SEC63: variants seen among roughly 807,000 people sequenced by gnomAD.
SEC63 encodes translocation protein SEC63 homolog.
In SEC63, 56 loss-of-function variants were observed where a neutral mutation model predicts 116.2. The ratio of observed to expected loss-of-function variants is 0.48; its 90% CI spans 0.39 to 0.60. The LOEUF (loss-of-function observed/expected upper bound fraction) is 0.60, where lower values mean the gene tolerates loss of function less well. Among genes scored for constraint, SEC63 ranks in the 20% least tolerant of loss-of-function variants. The pLI is 0.00. For missense variants in SEC63, 668 were observed against 900.0 expected (o/e 0.74, Z 3.30); for synonymous variants, 273 against 294.6 (o/e 0.93, Z 0.75).
In SEC63 at chr6:107,881,255, T is replaced by C; in HGVS notation, c.1834-5A>G. On this transcript the variant is annotated splice_region_variant and splice_polypyrimidine_tract_variant and intron_variant, in intron 17 of 20. Transcript: ENST00000369002. ...TTGTTGTAATTCTTGCCACTCCTAG[T>C]AAACAAAAAAATTAAAATATTTAAA... The C allele has an allele frequency of 1.3e-6, 2 of 1,589,056 alleles. No homozygotes were observed. Among genetic ancestry groups the C allele is most frequent in the Admixed American group, 1.7e-5 (1 of 59,930 alleles).
intron 16 of SEC63, among the ~76,000 whole-genome samples, chr6:107,888,418 C>T (rs914535910): frequency 6.6e-6 from 1 of 152,118 alleles, no homozygotes; most frequent in Non-Finnish European, 1.5e-5. Context: ...TATAGGAATG[C>T]TTGTGATTTT....
At chr6:107,900,059 C>T (rs1288991620) in intron 13 of SEC63, among the ~76,000 whole-genome samples, 1 of 152,150 alleles carries the variant, frequency 6.6e-6, no homozygotes, top group Non-Finnish European at 1.5e-5. Flanking sequence ...GCTTCCCTAG[C>T]ACCTAGAGGA....
chr6:107,911,237 A>G lies in SEC63; in HGVS notation c.624+109T>C, dbSNP rs1008959260. ...TTCAGTGGCAAGACTCTTAAATTCAAGGATCAATGGGTTATATTCTAACAT... is the reference window on the plus strand; with the variant it reads ...TTCAGTGGCAAGACTCTTAAATTCAGGGATCAATGGGTTATATTCTAACAT... On this transcript the variant is annotated intron_variant, in intron 7 of 20. Coordinates refer to ENST00000369002, the MANE Select transcript of SEC63 (RefSeq NM_007214.5). 1.1e-5 allele frequency: 9 copies of G among 798,442 alleles called. No homozygotes were observed. In the Admixed American group the frequency reaches 1.9e-4, roughly 17 times the overall value. 49.5% of individuals were successfully genotyped at this position (798,442 alleles called of 1,614,324 possible).
chr6:107,906,112 T>C (rs762705955), intron 10 of SEC63, among the ~76,000 whole-genome samples: 2 of 152,120 alleles, frequency 1.3e-5, no homozygotes, highest in East Asian at 1.9e-4. Context: ...GTTCTCGAGA[T>C]ACACTTCTCA....
chr6:107,883,647 T>C (rs540995720), intron 16 of SEC63, among the ~76,000 whole-genome samples: 2 of 150,246 alleles, frequency 1.3e-5, no homozygotes, highest in Non-Finnish European at 1.5e-5. Context: ...AAAAATTATA[T>C]ATATATATAT....
chr6:107,932,039 C>T (rs1787823813), intron 1 of SEC63: 2 of 158,828 alleles, frequency 1.3e-5, no homozygotes, highest in Non-Finnish European at 1.4e-5. Context: ...TTCCCCTTGA[C>T]CACTAAGTCA....
chr6:107,925,101 T>C (rs1186850070), intron 2 of SEC63, among the ~76,000 whole-genome samples, 169 bp from the exon 3 acceptor site: 1 of 152,232 alleles, frequency 6.6e-6, no homozygotes, highest in African/African-American at 2.4e-5. Flanking sequence ...AACGACAGTG[T>C]CTTTTTTACC....
chr6:107,912,217 AGTGATTGAAGTCT>A (rs1366003177), intron 6 of SEC63, among the ~76,000 whole-genome samples: 1 of 152,196 alleles, frequency 6.6e-6, no homozygotes, highest in East Asian at 1.9e-4. Context: ...TTAGGGTTGC[AGTGATTGAAGTCT>A]GATATCCTAC....
chr6:107,883,976 C>T (rs879326670), intron 16 of SEC63, among the ~76,000 whole-genome samples: 4 of 151,818 alleles, frequency 2.6e-5, no homozygotes, highest in Non-Finnish European at 4.4e-5. Flanking sequence ...ACAGGCGGGA[C>T]GCAGTGGCTC....
intron 16 of SEC63, among the ~76,000 whole-genome samples, chr6:107,885,211 A>G (rs766624270): frequency 7.2e-5 from 11 of 152,236 alleles, no homozygotes; most frequent in Non-Finnish European, 1.5e-4. Flanking sequence ...TAAAGATTAA[A>G]AAGAAAAAAG....
At position 107,868,204 on chromosome 6, in the gene SEC63, T is replaced by G. The variant is rs765658706; in HGVS notation, c.*3500A>C. The G allele has an allele frequency of 3.7e-5, 5 of 133,724 alleles. No homozygotes were observed. Among genetic ancestry groups the G allele is most frequent in the African/African-American group, 1.5e-4 (5 of 34,480 alleles). The allele number at this position is 133,724 out of a possible 1,614,324, so 8.3% of individuals were successfully genotyped here. On this transcript the variant is annotated 3_prime_UTR_variant, in exon 21 of 21. Coordinates refer to ENST00000369002, the MANE Select transcript of SEC63 (RefSeq NM_007214.5). Reference sequence around the variant, plus strand: ...ATTTCATGGAGTTAAATCAGACCGTTTGTGGGAAAATTGTTTCTTAAAAAA... The same window carrying G: ...ATTTCATGGAGTTAAATCAGACCGTGTGTGGGAAAATTGTTTCTTAAAAAA...
At chr6:107,953,853 G>T (rs1770639816) in intron 1 of SEC63, among the ~76,000 whole-genome samples, 2 of 142,304 alleles carry the variant, frequency 1.4e-5, no homozygotes, top group Admixed American at 6.8e-5. Flanking sequence ...GGGGGGGTCA[G>T]CCCCCCGCCC....
chr6:107,871,476 G>T lies in SEC63; in HGVS notation c.*228C>A. 1.8e-6 allele frequency: 1 copy of T among 553,688 alleles called. No homozygotes were observed. Among genetic ancestry groups the T allele is most frequent in the Non-Finnish European group, 3.3e-6 (1 of 307,200 alleles). 34.3% of individuals were successfully genotyped at this position (553,688 alleles called of 1,614,324 possible). On this transcript the variant is annotated 3_prime_UTR_variant, in exon 21 of 21. Transcript: ENST00000369002. ...AAAGGATTTATTATCATTTGCAGATGAAATAAATGTACCATCCCCTACTTG... is the reference window on the plus strand; with the variant it reads ...AAAGGATTTATTATCATTTGCAGATTAAATAAATGTACCATCCCCTACTTG...
intron 13 of SEC63, among the ~76,000 whole-genome samples, chr6:107,898,253 T>C (rs1786912091): frequency 1.8e-5 from 1 of 54,472 alleles, no homozygotes; most frequent in African/African-American, 8.6e-5. Context: ...TGAGACCCCA[T>C]CTCAAAAAAA....
At chr6:107,904,267 A>G (rs1244739469) in intron 11 of SEC63, among the ~76,000 whole-genome samples, 4 of 143,070 alleles carry the variant, frequency 2.8e-5, no homozygotes, top group Admixed American at 7.0e-5. Flanking sequence ...AAAATTAGCC[A>G]GGTGTGGTGG....
At chr6:107,946,096 C>A (rs1211052223) in intron 1 of SEC63, among the ~76,000 whole-genome samples, 1 of 151,676 alleles carries the variant, frequency 6.6e-6, no homozygotes, top group South Asian at 2.1e-4. Context: ...ACCACCATGC[C>A]CAGCTAATTT....
chr6:107,934,563 A>G (rs13196019), intron 1 of SEC63, among the ~76,000 whole-genome samples: 3 of 82,906 alleles, frequency 3.6e-5, no homozygotes, highest in East Asian at 3.8e-4. Context: ...CCTGGCAGCC[A>G]CCCCGTCTGG....
intron 11 of SEC63, 73 bp downstream of exon 11, chr6:107,904,556 C>T (rs1787097820): frequency 1.6e-6 from 2 of 1,223,076 alleles, no homozygotes; most frequent in South Asian, 2.4e-5. Context: ...CCCATAAATC[C>T]TAAAATATGA....
At chr6:107,899,906 C>T (rs562751076) in intron 13 of SEC63, among the ~76,000 whole-genome samples, 6 of 152,272 alleles carry the variant, frequency 3.9e-5, no homozygotes, top group African/African-American at 1.4e-4. Context: ...ACCCCAACTC[C>T]TCACCAAAGC....
Sources: allele counts gnomAD v4.1 joint callset (sites outside exome capture counted in the v4.1 genomes callset), GRCh38; gene constraint gnomAD v4.1.1; transcripts MANE v1.5; gene names NCBI Gene and HGNC (gene_info 2026-07-23, HGNC 2026-07-21).